The following ARHGEF28 variants were observed in gnomAD, a reference collection of about 807,000 sequenced individuals.
The protein encoded by ARHGEF28 is Rho guanine nucleotide exchange factor 28.
In ARHGEF28, 152 loss-of-function variants were observed where a neutral mutation model predicts 206.6. The ratio of observed to expected loss-of-function variants is 0.74; its 90% CI spans 0.64 to 0.84. ARHGEF28 has a LOEUF of 0.84. ARHGEF28 is among the 40% of genes least tolerant of loss of function. The probability of loss-of-function intolerance (pLI) is 0.00; values close to 1 mark genes in which losing one functional copy is unlikely to be tolerated. For synonymous variants in ARHGEF28, 763 were observed against 776.4 expected (o/e 0.98, Z 0.29); for missense variants, 2,028 against 2,073.2 (o/e 0.98, Z 0.42).
intron 1 of ARHGEF28, among the ~76,000 whole-genome samples, chr5:73,677,936 G>T (rs539904953): frequency 6.6e-5 from 10 of 152,266 alleles, no homozygotes; most frequent in African/African-American, 2.4e-4. Flanking sequence ...AAATATAGAG[G>T]GTGGCATTTA....
At position 73,840,504 on chromosome 5, in the gene ARHGEF28, A is replaced by G. The variant is rs1163564408; in HGVS notation, c.1171A>G (p.Ile391Val). 1.9e-6 allele frequency: 3 copies of G among 1,613,772 alleles called. No homozygotes were observed. The highest frequency in any genetic ancestry group is 1.1e-5 in the South Asian group (1 of 91,084). The change falls in exon 11 of 36, where the codon ATT (isoleucine) becomes GTT (valine). Residue 391 changes from isoleucine to valine, a missense_variant. This residue lies in a region of ARHGEF28 where 1,002 missense variants were observed against 1,015.3 expected (regional missense o/e 0.99). Transcript: ENST00000513042. ...GGTTGGTGATTTGGATATCAGCTAT[A>G]TTAATATAGAGGGAATCACTGCCAC... is the stretch of plus-strand genomic sequence containing the variant. ...DQVGDLDISY[I>V]NIEGITATTS... is the part of the protein sequence containing the mutation.
chr5:73,740,631 G>A (rs533288998), intron 2 of ARHGEF28, among the ~76,000 whole-genome samples: 12 of 152,236 alleles, frequency 7.9e-5, no homozygotes, highest in Non-Finnish European at 1.6e-4. Flanking sequence ...CCCATGAGTC[G>A]TCTCTTCTTT....
chr5:73,677,730 C>G (rs760612619), intron 1 of ARHGEF28, among the ~76,000 whole-genome samples: 1 of 152,192 alleles, frequency 6.6e-6, no homozygotes, highest in Non-Finnish European at 1.5e-5. Flanking sequence ...ATTTGGGGAA[C>G]AAACTTAAAA....
Position 73,799,356 on chromosome 5 carries a change from A to G in ARHGEF28, c.1024+3965A>G, listed in dbSNP as rs181814948. On this transcript the variant is annotated intron_variant, in intron 9 of 35. Coordinates refer to ENST00000513042, the MANE Select transcript of ARHGEF28 (RefSeq NM_001177693.2). ...GCTGCGAATGGCTTGATTAGACACT[A>G]TCTTGCAAACTCTACTTTTAAGAGG... Among the ~76,000 whole-genome samples, 153 of 152,320 alleles carry G rather than the reference A, an allele frequency of 1.0e-3. 1 individual carries two copies. The highest frequency in any genetic ancestry group is 8.4e-4 in the Non-Finnish European group (57 of 68,024).
chr5:73,836,957 A>G (rs1757682146), intron 10 of ARHGEF28, among the ~76,000 whole-genome samples: 1 of 152,140 alleles, frequency 6.6e-6, no homozygotes, highest in South Asian at 2.1e-4. Flanking sequence ...TTTGTTGAAG[A>G]TTAATTGACT....
intron 16 of ARHGEF28, among the ~76,000 whole-genome samples, chr5:73,861,413 A>T (rs765979187): frequency 6.6e-6 from 1 of 152,248 alleles, no homozygotes; most frequent in Admixed American, 6.5e-5. Flanking sequence ...GAAAAAGACT[A>T]TTAATATTTT....
In ARHGEF28 at chr5:73,893,202, C is replaced by A; in HGVS notation, c.3572C>A (p.Pro1191His). 6.5e-7 allele frequency: 1 copy of A among 1,546,112 alleles called. No individual in the cohort carries two copies. The highest frequency in any genetic ancestry group is 2.0e-5 in the Admixed American group (1 of 49,832). The stretch of plus-strand genomic sequence containing the variant: ...TTGACTATTGTCTTTTAAAGTTGTC[C>A]TGAAGAAAAAGGGGGAAGGACAAGT... ...RRIQQAVESC[P>H]EEKGGRTSES... The change falls in exon 28 of 36, where the codon CCT (proline) becomes CAT (histidine). Residue 1191 changes from proline (P) to histidine (H), a missense_variant. Pro to His is a moderately conservative substitution (Grantham distance 77, BLOSUM62 -2). Around this residue, in one of 3 missense-constraint regions of ARHGEF28, gnomAD observed 803 missense variants for 768.0 expected, o/e 1.05. Transcript: ENST00000513042.
intron 2 of ARHGEF28, among the ~76,000 whole-genome samples, chr5:73,728,336 C>T (rs993744208): frequency 6.6e-6 from 1 of 152,190 alleles, no homozygotes; most frequent in Admixed American, 6.5e-5. Flanking sequence ...TGGGTCACAA[C>T]TGGTGGCTTC....
chr5:73,846,148 A>G, intron 11 of ARHGEF28, 120 bp from the exon 12 acceptor site: 1 of 850,276 alleles, frequency 1.2e-6, no homozygotes, highest in South Asian at 1.8e-5. Flanking sequence ...TGGAAATTAA[A>G]TGAATACCTA....
At chr5:73,751,695 A>C (rs1246077170) in intron 3 of ARHGEF28, among the ~76,000 whole-genome samples, 1 of 152,046 alleles carries the variant, frequency 6.6e-6, no homozygotes, top group Non-Finnish European at 1.5e-5. Context: ...TCTTTTGTTT[A>C]TATTGTGGTC....
At chr5:73,765,549 A>G (rs1309794143) in intron 4 of ARHGEF28, among the ~76,000 whole-genome samples, 17 of 152,180 alleles carry the variant, frequency 1.1e-4, no homozygotes, top group Admixed American at 1.1e-3. Flanking sequence ...CCTATTTTCA[A>G]CTTACACTAT....
At chr5:73,815,865 T>G (rs950643176) in intron 9 of ARHGEF28, among the ~76,000 whole-genome samples, 2 of 152,192 alleles carry the variant, frequency 1.3e-5, no homozygotes, top group Non-Finnish European at 2.9e-5. Flanking sequence ...TTGCCACTGA[T>G]AAAAGATGAG....
intron 34 of ARHGEF28, 97 bp from the exon 35 acceptor site, chr5:73,911,177 GA>G: frequency 8.1e-7 from 1 of 1,233,646 alleles, no homozygotes; most frequent in Non-Finnish European, 1.1e-6. Context: ...CACTTTTACT[GA>G]AATCTTGATT....
intron 1 of ARHGEF28, among the ~76,000 whole-genome samples, chr5:73,654,407 C>A (rs961763323): frequency 7.9e-5 from 12 of 152,180 alleles, no homozygotes; most frequent in African/African-American, 2.9e-4. Context: ...TCTCTAGGAG[C>A]CACTGAGAGA....
At chr5:73,759,462 A>C (rs541899458) in intron 4 of ARHGEF28, among the ~76,000 whole-genome samples, 1 of 152,336 alleles carries the variant, frequency 6.6e-6, no homozygotes, top group Non-Finnish European at 1.5e-5. Flanking sequence ...GTCTTCATAA[A>C]TTAGTTCCTT....
intron 2 of ARHGEF28, among the ~76,000 whole-genome samples, chr5:73,714,672 A>G (rs745698129): frequency 2.0e-5 from 3 of 152,152 alleles, no homozygotes; most frequent in Non-Finnish European, 4.4e-5. Flanking sequence ...ATTTATTTAG[A>G]TAAACTTCTA....
intron 16 of ARHGEF28, among the ~76,000 whole-genome samples, chr5:73,861,823 C>A (rs977193828): frequency 2.7e-5 from 4 of 150,522 alleles, no homozygotes; most frequent in East Asian, 1.9e-4. Flanking sequence ...TTACCCACAA[C>A]TTTTTTTAGA....
chr5:73,649,613 C>T (rs867016843), intron 1 of ARHGEF28, among the ~76,000 whole-genome samples: 1 of 152,224 alleles, frequency 6.6e-6, no homozygotes, highest in Non-Finnish European at 1.5e-5. Flanking sequence ...CTTGAACCTA[C>T]TCTTTGGTTC....
intron 1 of ARHGEF28, among the ~76,000 whole-genome samples, chr5:73,644,716 C>A (rs940639945): frequency 2.6e-4 from 39 of 152,202 alleles, no homozygotes; most frequent in African/African-American, 8.4e-4. Context: ...CTGCACAAAC[C>A]TGGCTAGCTT....
Sources: allele counts gnomAD v4.1 joint callset (sites outside exome capture counted in the v4.1 genomes callset), GRCh38; gene constraint gnomAD v4.1.1; regional missense constraint gnomAD v4.1.1; transcripts MANE v1.5; gene names NCBI Gene and HGNC (gene_info 2026-07-23, HGNC 2026-07-21).